TAPBPL: variants seen among roughly 807,000 people sequenced by gnomAD.
The protein encoded by TAPBPL is tapasin-related protein.
In TAPBPL, 32 loss-of-function variants were observed where a neutral mutation model predicts 44.8. That is an observed-to-expected ratio of 0.71 (90% CI 0.54 to 0.96). TAPBPL has a LOEUF of 0.96. Among genes scored for constraint, TAPBPL ranks in the 40% least tolerant of loss-of-function variants. The pLI is 0.00. For missense variants in TAPBPL, 520 were observed against 586.6 expected, an observed-to-expected ratio of 0.89 and a Z score of 1.17; for synonymous variants, 230 against 240.7, an observed-to-expected ratio of 0.96 and a Z score of 0.41.
chr12:6,455,195 G>A (rs1428920217), intron 3 of TAPBPL, among the ~76,000 whole-genome samples: 1 of 152,094 alleles, frequency 6.6e-6, no homozygotes, highest in Non-Finnish European at 1.5e-5. Context: ...ATATGTGTAC[G>A]TGTGTATTTT....
chr12:6,465,867 C>T (rs374971683), downstream of TAPBPL: 6 of 1,614,204 alleles, frequency 3.7e-6, no homozygotes, highest in East Asian at 2.2e-5. Context: ...CCAATACTTC[C>T]TCTTTAGCTT....
Position 6,462,210 on chromosome 12 carries a change from C to A in TAPBPL, c.*61C>A. 2 of 1,429,448 alleles carry A rather than the reference C, an allele frequency of 1.4e-6. No homozygotes were observed. Among genetic ancestry groups the A allele is most frequent in the African/African-American group, 1.4e-5 (1 of 69,956 alleles). The allele number at this position is 1,429,448 out of a possible 1,614,324, so 88.5% of individuals were successfully genotyped here. A position where few individuals can be genotyped will look rare whatever the true frequency, so the allele number is the denominator to read the frequency against. On this transcript the variant is annotated 3_prime_UTR_variant, in exon 7 of 7. Transcript: ENST00000266556. ...ACCCTTCCCCAAGCCCCCACAGCTA[C>A]TCCAACCCAAACAACAACCAAGCCA... is the stretch of plus-strand genomic sequence containing the variant.
At chr12:6,455,152 C>T (rs886709598) in intron 3 of TAPBPL, among the ~76,000 whole-genome samples, 3 of 152,090 alleles carry the variant, frequency 2.0e-5, no homozygotes, top group African/African-American at 7.2e-5. Flanking sequence ...AACAATTTGC[C>T]ACATTCTCTC....
At chr12:6,455,269 G>A (rs1044458824) in intron 3 of TAPBPL, among the ~76,000 whole-genome samples, 3 of 151,970 alleles carry the variant, frequency 2.0e-5, no homozygotes, top group East Asian at 3.9e-4. Flanking sequence ...TTTGAACCCC[G>A]AAACGCATGT....
chr12:6,452,493 G>A (rs1011701138), intron 1 of TAPBPL, 181 bp downstream of exon 1: 4 of 1,438,676 alleles, frequency 2.8e-6, no homozygotes, highest in Admixed American at 2.9e-5. Context: ...TGTGGAGGGA[G>A]GGTGGGGACT....
At chr12:6,461,024 A>G in intron 6 of TAPBPL, 86 bp downstream of exon 6, 1 of 1,581,586 alleles carries the variant, frequency 6.3e-7, no homozygotes, top group Admixed American at 1.9e-5. Context: ...GTGGAAGCCC[A>G]GATGCCCCAA....
At chr12:6,463,317 G>T (rs1032963451), downstream of TAPBPL, 1 of 1,194,934 alleles carries the variant, frequency 8.4e-7, no homozygotes, top group Admixed American at 4.2e-5. The surrounding 1 kb of genome is among the most constrained non-coding windows in gnomAD (Gnocchi z 4.0). Context: ...AGGCTGGCAC[G>T]CCTCCCCCCA....
chr12:6,470,814 G>A (rs1945757915), downstream of TAPBPL: 3 of 548,136 alleles, frequency 5.5e-6, no homozygotes, highest in Non-Finnish European at 9.8e-6. Flanking sequence ...CCTGCCAATT[G>A]CCAGTCACAA....
In TAPBPL at chr12:6,462,118, A is replaced by AC; in HGVS notation, c.1378dup (p.Arg460ProfsTer12). 6.2e-7 allele frequency: 1 copy of AC among 1,612,782 alleles called. No homozygotes were observed. The highest frequency in any genetic ancestry group is 2.2e-5 in the East Asian group (1 of 44,800). ...ACACAGAGCTCCCATCTCCATGAAG[A>AC]CCGCACAGCGCGTGTAAGCCAGCCC... On this transcript the variant is annotated frameshift_variant, in exon 7 of 7. Transcript: ENST00000266556. LOFTEE classifies it low-confidence loss of function (END_TRUNC).
At chr12:6,469,806 T>C (rs1263555419), downstream of TAPBPL, among the ~76,000 whole-genome samples, 1 of 152,218 alleles carries the variant, frequency 6.6e-6, no homozygotes, top group Non-Finnish European at 1.5e-5. Flanking sequence ...TGCTGGAGAC[T>C]AAACTGTGTG....
intron 1 of TAPBPL, chr12:6,452,707 C>A: frequency 1.2e-6 from 1 of 835,820 alleles, no homozygotes; most frequent in Non-Finnish European, 1.7e-6. Flanking sequence ...CTGTCAGTGC[C>A]CCAGCAACAG....
At chr12:6,463,900 T>G, downstream of TAPBPL, 1 of 1,285,854 alleles carries the variant, frequency 7.8e-7, no homozygotes, top group South Asian at 1.2e-5. This position sits in a 1 kb window ranked among gnomAD's most constrained non-coding sequence, Gnocchi z 4.0. Flanking sequence ...TAGAAATAAC[T>G]ACAAAAAACA....
intron 4 of TAPBPL, 70 bp downstream of exon 4, chr12:6,457,814 G>A: frequency 1.4e-6 from 2 of 1,426,070 alleles, no homozygotes; most frequent in Non-Finnish European, 1.9e-6. Context: ...TCCAGATTGG[G>A]ACCCAAATGC....
chr12:6,471,728 G>C, the TAPBPL span, among the ~76,000 whole-genome samples: 4,119 of 152,194 alleles, frequency 0.027, 195 homozygotes, highest in African/African-American at 0.093. The surrounding 1 kb of genome is among the most constrained non-coding windows in gnomAD (Gnocchi z 4.0). Context: ...TCGTGAGGCT[G>C]AGATAAGAGA....
At chr12:6,465,388 A>ATATATATATAAATGTATATATG (rs1491122233), downstream of TAPBPL, 1 of 75,522 alleles carries the variant, frequency 1.3e-5, no homozygotes, top group South Asian at 3.8e-4. Context: ...ATATATATGT[A>ATATATATATAAATGTATATATG]TATATATATA....
chr12:6,453,366 T>C lies in TAPBPL; in HGVS notation c.295+69T>C, dbSNP rs1592128552. 6.2e-7 allele frequency: 1 copy of C among 1,609,370 alleles called. No individual in the cohort carries two copies. The highest frequency in any genetic ancestry group is 2.2e-5 in the East Asian group (1 of 44,828). On this transcript the variant is annotated intron_variant, in intron 2 of 6. Coordinates refer to ENST00000266556, the MANE Select transcript of TAPBPL (RefSeq NM_018009.5). The surrounding 1 kb of genome is among the most constrained non-coding windows in gnomAD (Gnocchi z 4.8). ...CCACCAGGACAGCCCAGGTCCCGAT[T>C]ACAGCCACACATACTGCCTCCCGTT... is the stretch of plus-strand genomic sequence containing the variant.
In TAPBPL at chr12:6,452,205, T is replaced by C. The variant is rs1949565932; in HGVS notation, c.-44T>C. The C allele has an allele frequency of 6.4e-7, 1 of 1,556,778 alleles. No individual in the cohort carries two copies. The highest frequency in any genetic ancestry group is 2.0e-5 in the Admixed American group (1 of 51,120). Reference sequence around the variant, plus strand: ...GGGCCTCGCAAGCAGCGTAGGACTGTGGAGAAGGGCGGTGGGCAAGGAGGG... The same window carrying C: ...GGGCCTCGCAAGCAGCGTAGGACTGCGGAGAAGGGCGGTGGGCAAGGAGGG... On this transcript the variant is annotated 5_prime_UTR_variant, in exon 1 of 7. Transcript: ENST00000266556.
downstream of TAPBPL, chr12:6,466,788 G>A: frequency 5.9e-6 from 1 of 168,700 alleles, no homozygotes; most frequent in Non-Finnish European, 1.3e-5. Flanking sequence ...ATGGCTACAG[G>A]GACATATGGC....
chr12:6,457,288 A>T, intron 3 of TAPBPL, 118 bp from the exon 4 acceptor site: 4 of 948,224 alleles, frequency 4.2e-6, no homozygotes, highest in Non-Finnish European at 6.2e-6. Flanking sequence ...AATAAGCTCA[A>T]CCGGCCTGTC....
Sources: gnomAD v4.1 joint callset for allele counts (sites outside exome capture counted in the v4.1 genomes callset) on GRCh38, gnomAD v4.1.1 for gene constraint, Gnocchi (gnomAD v3.1) non-coding constraint, MANE v1.5 for transcripts, NCBI Gene and HGNC (gene_info 2026-07-23, HGNC 2026-07-21) for gene names.